The following MTCL2 variants were observed in gnomAD, a reference collection of about 807,000 sequenced individuals.
The protein encoded by MTCL2 is microtubule crosslinking factor 2.
At chr20:36,846,449 T>C in the MTCL2 span, among the ~76,000 whole-genome samples, 1 of 152,164 alleles carries the variant, frequency 6.6e-6, no homozygotes, top group Non-Finnish European at 1.5e-5. Flanking sequence ...TGGGGGAGGA[T>C]GGGGGACCAG....
the MTCL2 span, chr20:36,806,049 C>T: frequency 1.9e-6 from 2 of 1,054,094 alleles, no homozygotes; most frequent in Non-Finnish European, 2.7e-6. Context: ...AGGAGCACGG[C>T]TGGATAGTCA....
At chr20:36,827,208 C>T in the MTCL2 span, among the ~76,000 whole-genome samples, 1 of 151,770 alleles carries the variant, frequency 6.6e-6, no homozygotes, top group Non-Finnish European at 1.5e-5. Context: ...GCCACCACAC[C>T]CAGCTAATTT....
chr20:36,794,186 C>A, the MTCL2 span: 1 of 1,548,342 alleles, frequency 6.5e-7, no homozygotes, highest in Non-Finnish European at 8.7e-7. This position sits in a 1 kb window ranked among gnomAD's most constrained non-coding sequence, Gnocchi z 5.4. Context: ...ACCATAGGAG[C>A]TCTCAGCCAG....
the MTCL2 span, among the ~76,000 whole-genome samples, chr20:36,804,336 G>C: frequency 6.6e-6 from 1 of 152,218 alleles, no homozygotes; most frequent in Non-Finnish European, 1.5e-5. Context: ...CCTGGTTAAG[G>C]CTCCTTTGGG....
the MTCL2 span, chr20:36,815,870 C>A: frequency 6.2e-7 from 1 of 1,606,708 alleles, no homozygotes; most frequent in Non-Finnish European, 8.5e-7. The surrounding 1 kb of genome is among the most constrained non-coding windows in gnomAD (Gnocchi z 5.3). Context: ...GCCGCAGCAG[C>A]TCGGCCTCCT....
the MTCL2 span, chr20:36,781,367 C>G: frequency 6.6e-6 from 1 of 151,886 alleles, no homozygotes; most frequent in Non-Finnish European, 1.5e-5. Flanking sequence ...GAAACCCCGT[C>G]TCTACTAAAA....
At chr20:36,819,168 C>A in the MTCL2 span, among the ~76,000 whole-genome samples, 3 of 151,964 alleles carry the variant, frequency 2.0e-5, no homozygotes, top group African/African-American at 7.3e-5. Flanking sequence ...ACTGAAATTT[C>A]TCAATGTTTA....
At chr20:36,829,207 A>C in the MTCL2 span, 1 of 1,609,340 alleles carries the variant, frequency 6.2e-7, no homozygotes, top group Non-Finnish European at 8.5e-7. Context: ...AGATGTCCTT[A>C]GAGACCTGTG....
chr20:36,819,009 C>T, the MTCL2 span, among the ~76,000 whole-genome samples: 1 of 152,208 alleles, frequency 6.6e-6, no homozygotes, highest in African/African-American at 2.4e-5. Flanking sequence ...CCGTTTCTCA[C>T]CTATCAGATT....
the MTCL2 span, chr20:36,862,885 C>T: frequency 1.4e-5 from 18 of 1,242,746 alleles, no homozygotes; most frequent in Non-Finnish European, 1.8e-5. Context: ...CCCGTACGGA[C>T]CCCCGCCGGG....
the MTCL2 span, chr20:36,805,969 A>T: frequency 6.3e-7 from 1 of 1,596,338 alleles, no homozygotes; most frequent in Non-Finnish European, 8.5e-7. Flanking sequence ...TGTTTTTTAA[A>T]AACCATGCTT....
chr20:36,793,768 C>T, the MTCL2 span: 4 of 1,541,324 alleles, frequency 2.6e-6, no homozygotes, highest in Non-Finnish European at 3.5e-6. The surrounding 1 kb of genome is among the most constrained non-coding windows in gnomAD (Gnocchi z 6.8). Flanking sequence ...GTGAGCCATA[C>T]TTGGGGGAGC....
At chr20:36,863,283 G>C in the MTCL2 span, 1 of 1,190,016 alleles carries the variant, frequency 8.4e-7, no homozygotes, top group Non-Finnish European at 1.0e-6. This position sits in a 1 kb window ranked among gnomAD's most constrained non-coding sequence, Gnocchi z 6.2. Context: ...GGCAGGCGCG[G>C]GTGCAGGCGC....
chr20:36,837,344 C>T, the MTCL2 span, among the ~76,000 whole-genome samples: 2 of 152,092 alleles, frequency 1.3e-5, no homozygotes, highest in African/African-American at 4.8e-5. Context: ...CCCACCCACC[C>T]TTCCCCTGCT....
chr20:36,793,331 T>C, the MTCL2 span: 1 of 1,549,356 alleles, frequency 6.5e-7, no homozygotes, highest in Non-Finnish European at 8.7e-7. This position sits in a 1 kb window ranked among gnomAD's most constrained non-coding sequence, Gnocchi z 6.8. Context: ...GAGTCTGACC[T>C]CCTCACTGCT....
the MTCL2 span, chr20:36,863,021 T>A: frequency 7.2e-7 from 1 of 1,398,156 alleles, no homozygotes; most frequent in Non-Finnish European, 9.3e-7. The surrounding 1 kb of genome is among the most constrained non-coding windows in gnomAD (Gnocchi z 6.2). Flanking sequence ...GCGGTGGCGG[T>A]CGCGGCCCCG....
At chr20:36,816,314 C>T in the MTCL2 span, 1 of 1,556,646 alleles carries the variant, frequency 6.4e-7, no homozygotes, top group East Asian at 2.2e-5. Context: ...CCTCCTGGGA[C>T]CACAGAGACA....
At chr20:36,804,499 G>T in the MTCL2 span, among the ~76,000 whole-genome samples, 2 of 152,172 alleles carry the variant, frequency 1.3e-5, no homozygotes, top group Non-Finnish European at 2.9e-5. Context: ...TCACCTGTGA[G>T]CCCAGGGCGC....
chr20:36,832,439 A>G, the MTCL2 span, among the ~76,000 whole-genome samples: 2 of 152,172 alleles, frequency 1.3e-5, no homozygotes, highest in Admixed American at 6.5e-5. Context: ...TATGGATTTC[A>G]TCCCCTCCCA....
Sources: allele counts gnomAD v4.1 joint callset (sites outside exome capture counted in the v4.1 genomes callset), GRCh38; gene constraint gnomAD v4.1.1; non-coding constraint Gnocchi (gnomAD v3.1); transcripts MANE v1.5; gene names NCBI Gene and HGNC (gene_info 2026-07-23, HGNC 2026-07-21).